Variants in REL observed in about 807,000 individuals in gnomAD.
REL encodes proto-oncogene c-Rel.
A neutral mutation model predicts 45.9 loss-of-function variants in REL; 15 were observed. The observed-to-expected ratio is 0.33, with a 90% CI of 0.22 to 0.50. The LOEUF is 0.50. Among genes scored for constraint, REL ranks in the 20% least tolerant of loss-of-function variants. REL has a pLI of 0.98. For missense variants in REL, 601 were observed against 715.2 expected (o/e 0.84, Z 1.82); for synonymous variants, 239 against 242.1 (o/e 0.99, Z 0.12).
rs141467843 is a variant in REL, at chr2:60,890,281, T to C, written c.11-1402T>C. ...ACACTTCGTAAGAATTTAGCACATA[T>C]AATCTGTCATCTTCACAACAACCCA... On this transcript the variant is annotated intron_variant, in intron 1 of 9. Coordinates refer to ENST00000394479, the MANE Select transcript of REL (RefSeq NM_001291746.2). Among the ~76,000 whole-genome samples, 50 of 152,374 alleles carry C rather than the reference T, an allele frequency of 3.3e-4. 1 individual carries two copies. In the East Asian group the frequency reaches 9.1e-3, roughly 28 times the overall value.
At chr2:60,891,466 G>C (rs943817376) in intron 1 of REL, among the ~76,000 whole-genome samples, 4 of 152,014 alleles carry the variant, frequency 2.6e-5, no homozygotes, top group Non-Finnish European at 5.9e-5. Flanking sequence ...TGGTTTGAAT[G>C]ACTTGTTTTG....
At position 60,927,687 on chromosome 2, in the gene REL, C is replaced by G. The variant is rs1196515985; in HGVS notation, c.*5152C>G. On this transcript the variant is annotated 3_prime_UTR_variant, in exon 10 of 10. Coordinates refer to ENST00000394479, the MANE Select transcript of REL (RefSeq NM_001291746.2). Reference sequence around the variant, plus strand: ...TATACAGAGGTGAATAAGACAAAAACTCTTGCTCTCAAAGATGTCAGTCTT... The same window carrying G: ...TATACAGAGGTGAATAAGACAAAAAGTCTTGCTCTCAAAGATGTCAGTCTT... 4.4e-6 allele frequency: 1 copy of G among 229,516 alleles called. No homozygotes were observed. The highest frequency in any genetic ancestry group is 8.6e-6 in the Non-Finnish European group (1 of 115,754). The allele number at this position is 229,516 out of a possible 1,614,324, so 14.2% of individuals were successfully genotyped here. A position where few individuals can be genotyped will look rare whatever the true frequency, so the allele number is the denominator to read the frequency against.
At chr2:60,897,612 TG>T (rs1204590089) in intron 3 of REL, among the ~76,000 whole-genome samples, 4 of 152,104 alleles carry the variant, frequency 2.6e-5, no homozygotes, top group African/African-American at 9.7e-5. Flanking sequence ...CTGGCCAACT[TG>T]TGCTTTGCTT....
At chr2:60,887,874 G>A (rs1673107990) in intron 1 of REL, among the ~76,000 whole-genome samples, 1 of 151,182 alleles carries the variant, frequency 6.6e-6, no homozygotes, top group South Asian at 2.1e-4. Flanking sequence ...ACAATCTAAA[G>A]AAGTGTCATG....
At chr2:60,894,333 T>G (rs1031540967) in intron 2 of REL, 64 bp from the exon 3 acceptor site, 2 of 944,606 alleles carry the variant, frequency 2.1e-6, no homozygotes, top group Admixed American at 2.9e-5. Context: ...TGAATTCTCA[T>G]TTAGTAGATC....
rs1222671058 is a variant in REL, at chr2:60,902,295, A to T, written c.394+1212A>T. Among the ~76,000 whole-genome samples the T allele has an allele frequency of 4.6e-5, 7 of 152,298 alleles. No homozygotes were observed. In the East Asian group the frequency reaches 1.3e-3, roughly 29 times the overall value. On this transcript the variant is annotated intron_variant, in intron 4 of 9. Coordinates refer to ENST00000394479, the MANE Select transcript of REL (RefSeq NM_001291746.2). ...TGCATCTCTTTAGGTTTTATTTTTCACACTATTTAGTATAAAGCGGAAAGT... is the reference window on the plus strand; with the variant it reads ...TGCATCTCTTTAGGTTTTATTTTTCTCACTATTTAGTATAAAGCGGAAAGT...
chr2:60,884,386 A>G (rs1673021376), intron 1 of REL, among the ~76,000 whole-genome samples: 1 of 152,072 alleles, frequency 6.6e-6, no homozygotes, highest in Admixed American at 6.5e-5. Flanking sequence ...TTTTGTTTAG[A>G]TAAGTTAGCA....
At chr2:60,912,388 A>G (rs1230427281) in intron 4 of REL, among the ~76,000 whole-genome samples, 1 of 152,172 alleles carries the variant, frequency 6.6e-6, no homozygotes, top group Non-Finnish European at 1.5e-5. Context: ...TGTGACCCAT[A>G]GTCTGCCGTA....
chr2:60,902,547 CAG>C (rs1673525969), intron 4 of REL, among the ~76,000 whole-genome samples: 1 of 140,772 alleles, frequency 7.1e-6, no homozygotes, highest in South Asian at 2.2e-4. Context: ...TTTTTTTTAA[CAG>C]AATATTTTAT....
At chr2:60,891,900 G>T in intron 2 of REL, 75 bp downstream of exon 2, 1 of 1,334,748 alleles carries the variant, frequency 7.5e-7, no homozygotes. Flanking sequence ...ATTTTAAAGG[G>T]CCAGTTTCTT....
rs578144205 is a variant in REL, at chr2:60,924,165, G to A, written c.*1630G>A. Reference sequence around the variant, plus strand: ...CACTCCACTGTTACCTGAGCAGGTCGTCCTTGAATATATACATCAGCATTC... The same window carrying A: ...CACTCCACTGTTACCTGAGCAGGTCATCCTTGAATATATACATCAGCATTC... On this transcript the variant is annotated 3_prime_UTR_variant, in exon 10 of 10. Transcript: ENST00000394479. 2.6e-5 allele frequency: 6 copies of A among 230,702 alleles called. No individual in the cohort carries two copies. The highest frequency in any genetic ancestry group is 1.8e-4 in the South Asian group (1 of 5,506). The allele number at this position is 230,702 out of a possible 1,614,324, so 14.3% of individuals were successfully genotyped here.
intron 1 of REL, among the ~76,000 whole-genome samples, chr2:60,885,863 T>C (rs1673059387): frequency 6.6e-6 from 1 of 152,248 alleles, no homozygotes; most frequent in Non-Finnish European, 1.5e-5. Flanking sequence ...TTGCAAGAGT[T>C]AAAATATTTG....
chr2:60,927,819 T>C lies in REL; in HGVS notation c.*5284T>C, dbSNP rs568090797. 4.4e-6 allele frequency: 1 copy of C among 227,700 alleles called. No individual in the cohort carries two copies. The highest frequency in any genetic ancestry group is 6.3e-5 in the East Asian group (1 of 15,944). The allele number at this position is 227,700 out of a possible 1,614,324, so 14.1% of individuals were successfully genotyped here. On this transcript the variant is annotated 3_prime_UTR_variant, in exon 10 of 10. Transcript: ENST00000394479. Reference sequence around the variant, plus strand: ...TATGTTAACACCCATGTCACCACCATGTTTAGGACATTTCCAGCACCCCTG... The same window carrying C: ...TATGTTAACACCCATGTCACCACCACGTTTAGGACATTTCCAGCACCCCTG...
chr2:60,922,439 T>A lies in REL; in HGVS notation c.1668T>A (p.Ser556Arg). ...SGPSNSTNPN[S>R]HGFVQDSQYS... ...CATCAAACAGTACTAATCCAAACAG[T>A]CATGGTTTTGTTCAAGATAGTCAGT... Residue 556 changes from serine to arginine, a missense_variant, in exon 10 of 10, where the codon AGT (serine) becomes AGA (arginine). Physicochemically the swap from Ser to Arg is moderately radical, Grantham distance 110. Around this residue, in one of 4 missense-constraint regions of REL, gnomAD observed 334 missense variants for 333.1 expected, o/e 1.00. Transcript: ENST00000394479. The A allele has an allele frequency of 3.1e-6, 5 of 1,613,910 alleles. No individual in the cohort carries two copies. The highest frequency in any genetic ancestry group is 4.2e-6 in the Non-Finnish European group (5 of 1,179,964).
chr2:60,921,465 T>G (rs572376209), intron 9 of REL, among the ~76,000 whole-genome samples: 11 of 152,258 alleles, frequency 7.2e-5, no homozygotes, highest in African/African-American at 2.6e-4. Context: ...CAAAAATACC[T>G]TTATAGAGCC....
Position 60,911,846 on chromosome 2 carries a change from A to C in REL, c.395-5031A>C, listed in dbSNP as rs181272806. 2.0e-5 allele frequency among the ~76,000 whole-genome samples: 3 copies of C among 151,786 alleles called. No individual in the cohort carries two copies. The East Asian group carries it at 5.8e-4, about 29-fold the overall frequency. ...AAACCCCATCTCTACTTAAAATACA[A>C]AATTAGCTGGGCGTGGTGGCACAGG... On this transcript the variant is annotated intron_variant, in intron 4 of 9. Coordinates refer to ENST00000394479, the MANE Select transcript of REL (RefSeq NM_001291746.2).
Position 60,923,043 on chromosome 2 carries a change from C to CAA in REL, c.*520_*521dup, listed in dbSNP as rs70959877. 63 of 84,930 alleles carry CAA rather than the reference C, an allele frequency of 7.4e-4. No individual in the cohort carries two copies. The highest frequency in any genetic ancestry group is 3.0e-3 in the East Asian group (15 of 4,984). 5.3% of individuals were successfully genotyped at this position (84,930 alleles called of 1,614,324 possible). On this transcript the variant is annotated 3_prime_UTR_variant, in exon 10 of 10. Transcript: ENST00000394479. ...TGGGTGACAGAGTGAGACTCTGTCT[C>CAA]AAAAAAAAAAAAACAAAAAAAACAC...
At chr2:60,894,851 CTTTTTTT>C (rs558726227) in intron 3 of REL, among the ~76,000 whole-genome samples, 1 of 106,760 alleles carries the variant, frequency 9.4e-6, no homozygotes, top group African/African-American at 3.6e-5. Context: ...TTCACTCTGT[CTTTTTTT>C]TTTTTTTTTT....
At chr2:60,912,057 C>A (rs1254233633) in intron 4 of REL, among the ~76,000 whole-genome samples, 1 of 145,122 alleles carries the variant, frequency 6.9e-6, no homozygotes, top group African/African-American at 2.5e-5. Context: ...TTCAATGCAA[C>A]TCCATATTAA....
Sources: allele counts gnomAD v4.1 joint callset (sites outside exome capture counted in the v4.1 genomes callset), GRCh38; gene constraint gnomAD v4.1.1; regional missense constraint gnomAD v4.1.1; transcripts MANE v1.5; gene names NCBI Gene and HGNC (gene_info 2026-07-23, HGNC 2026-07-21).